TMOD1: variants seen among roughly 807,000 people sequenced by gnomAD.
The protein encoded by TMOD1 is tropomodulin 1.
TMOD1 carries 17 observed loss-of-function variants against 40.6 expected under a neutral mutation model. That is an observed-to-expected ratio of 0.42 (90% CI 0.29 to 0.63). The LOEUF is 0.63. Among genes scored for constraint, TMOD1 ranks in the 20% least tolerant of loss-of-function variants. The pLI, the probability that TMOD1 is intolerant of heterozygous loss-of-function variation, is 0.22. For missense variants in TMOD1, 391 were observed against 447.6 expected (o/e 0.87, Z 1.14); for synonymous variants, 181 against 175.0 (o/e 1.03, Z -0.27).
rs565704303 is a variant in TMOD1 at position 97,554,955 on chromosome 9, C to T, written c.397+1555C>T. On this transcript the variant is annotated intron_variant, in intron 4 of 9. Coordinates refer to ENST00000259365, the MANE Select transcript of TMOD1 (RefSeq NM_003275.4). The stretch of plus-strand genomic sequence containing the variant: ...GTCTGGGGGACCTGAGGAGTGAATG[C>T]GGAAAGCCAGTGTGTAGATCCCAAG... 1.3e-4 allele frequency among the ~76,000 whole-genome samples: 20 copies of T among 152,200 alleles called. No individual in the cohort carries two copies. In the East Asian group the frequency reaches 1.4e-3, roughly 10 times the overall value.
At position 97,539,971 on chromosome 9, in the gene TMOD1, CA is replaced by C. The variant is rs34844299; in HGVS notation, c.121-6195del. The stretch of plus-strand genomic sequence containing the variant: ...TGGGCAACAGAGTGAGACTCTGTCT[CA>C]AAAAAAAAAAAAAAAAAAGAAAAGA... On this transcript the variant is annotated intron_variant, in intron 2 of 9. Transcript: ENST00000259365. 1.6e-3 allele frequency among the ~76,000 whole-genome samples: 115 copies of C among 71,952 alleles called. 1 individual carries two copies. Among genetic ancestry groups the C allele is most frequent in the African/African-American group, 1.9e-3 (35 of 18,406 alleles). 47.2% of individuals were successfully genotyped at this position (71,952 alleles called of 152,430 possible). A position where few individuals can be genotyped will look rare whatever the true frequency, so the allele number is the denominator to read the frequency against.
At chr9:97,527,399 C>T (rs1830033672) in intron 2 of TMOD1, among the ~76,000 whole-genome samples, 1 of 152,244 alleles carries the variant, frequency 6.6e-6, no homozygotes, top group Non-Finnish European at 1.5e-5. Flanking sequence ...GCATAATACA[C>T]TGAGCTTGAC....
chr9:97,517,316 C>A (rs1829827141), intron 1 of TMOD1, among the ~76,000 whole-genome samples: 1 of 151,812 alleles, frequency 6.6e-6, no homozygotes, highest in Admixed American at 6.6e-5. Context: ...TATCACTACA[C>A]TCCAGCGTGG....
intron 8 of TMOD1, among the ~76,000 whole-genome samples, chr9:97,582,765 G>A (rs1199242805): frequency 8.0e-6 from 1 of 124,948 alleles, no homozygotes; most frequent in East Asian, 2.3e-4. Context: ...TGAAGCAATT[G>A]TGAATGGGAG....
intron 4 of TMOD1, among the ~76,000 whole-genome samples, chr9:97,554,047 A>C (rs967143999): frequency 6.6e-6 from 1 of 152,148 alleles, no homozygotes; most frequent in African/African-American, 2.4e-5. Context: ...CCATCCCCAC[A>C]GGAAGGTCAG....
intron 1 of TMOD1, among the ~76,000 whole-genome samples, chr9:97,510,845 G>T (rs138551148): frequency 1.5e-3 from 227 of 152,248 alleles, no homozygotes; most frequent in African/African-American, 5.2e-3. Flanking sequence ...AATGGAAGGG[G>T]CAGAGCGTGG....
chr9:97,522,687 G>C (rs1041928930), intron 1 of TMOD1, among the ~76,000 whole-genome samples: 2 of 151,958 alleles, frequency 1.3e-5, no homozygotes, highest in African/African-American at 4.8e-5. Context: ...TCAGCCTTCT[G>C]AGTAGCTGGG....
rs1587948824 is a variant in TMOD1 at position 97,568,881 on chromosome 9, C to T, written c.727-13C>T. The T allele has an allele frequency of 6.2e-7, 1 of 1,613,210 alleles. No individual in the cohort carries two copies. The highest frequency in any genetic ancestry group is 8.5e-7 in the Non-Finnish European group (1 of 1,179,268). On this transcript the variant is annotated splice_polypyrimidine_tract_variant and intron_variant, in intron 7 of 9. Transcript: ENST00000259365. The stretch of plus-strand genomic sequence containing the variant: ...TGACTCATGGGTATCCTTGCTTTCT[C>T]TTGTGCTTCAAGGCCCTTGCTGAGA...
chr9:97,527,159 GA>G (rs1282481219), intron 2 of TMOD1, among the ~76,000 whole-genome samples: 1 of 152,098 alleles, frequency 6.6e-6, no homozygotes, highest in South Asian at 2.1e-4. Flanking sequence ...ATGTAGGCAA[GA>G]AAAAAATCAA....
chr9:97,558,160 C>A (rs1033546406), intron 4 of TMOD1, among the ~76,000 whole-genome samples: 1 of 152,182 alleles, frequency 6.6e-6, no homozygotes, highest in African/African-American at 2.4e-5. Flanking sequence ...TTTTGTAATT[C>A]TAATTTCCTC....
At chr9:97,505,842 C>T (rs1387987310) in intron 1 of TMOD1, among the ~76,000 whole-genome samples, 2 of 152,176 alleles carry the variant, frequency 1.3e-5, no homozygotes, top group Non-Finnish European at 2.9e-5. Context: ...TTCCTCTCTC[C>T]CCTAAGCTGC....
intron 4 of TMOD1, among the ~76,000 whole-genome samples, chr9:97,556,095 T>G (rs1830532360): frequency 7.1e-6 from 1 of 141,404 alleles, no homozygotes; most frequent in African/African-American, 2.7e-5. Flanking sequence ...GGAGTTTGAG[T>G]GGAGAGGAGG....
chr9:97,515,344 A>G (rs1043408943), intron 1 of TMOD1, among the ~76,000 whole-genome samples: 7 of 152,146 alleles, frequency 4.6e-5, no homozygotes, highest in African/African-American at 1.7e-4. Context: ...CAATGGCATG[A>G]TCTTGGCTCA....
chr9:97,529,127 G>GA (rs997219119), intron 2 of TMOD1, among the ~76,000 whole-genome samples: 1 of 152,216 alleles, frequency 6.6e-6, no homozygotes, highest in Non-Finnish European at 1.5e-5. Flanking sequence ...AGTGTTCAGG[G>GA]AGAGAGTTTA....
chr9:97,580,342 C>G (rs1825719854), intron 8 of TMOD1, among the ~76,000 whole-genome samples: 1 of 152,160 alleles, frequency 6.6e-6, no homozygotes, highest in African/African-American at 2.4e-5. Context: ...TGCAGTGGCT[C>G]ACACCTGTAA....
chr9:97,568,763 G>A, intron 7 of TMOD1, 131 bp from the exon 8 acceptor site: 3 of 1,065,284 alleles, frequency 2.8e-6, no homozygotes, highest in Non-Finnish European at 4.1e-6. Context: ...CACAGTCAGA[G>A]TTGTGCTTGG....
At chr9:97,526,544 T>G (rs1375149658) in intron 2 of TMOD1, among the ~76,000 whole-genome samples, 3 of 152,192 alleles carry the variant, frequency 2.0e-5, no homozygotes, top group Non-Finnish European at 4.4e-5. Context: ...TGTTATATAT[T>G]TTTAATTAAA....
In TMOD1 at chr9:97,550,209, A is replaced by C. The variant is rs183723077; in HGVS notation, c.278-3072A>C. ...CCAGACTCATCCATGTTGTAGCACG[A>C]ATCAGTGCTTTATTCCTTTTTATAC... On this transcript the variant is annotated intron_variant, in intron 3 of 9. Coordinates refer to ENST00000259365, the MANE Select transcript of TMOD1 (RefSeq NM_003275.4). Among the ~76,000 whole-genome samples the C allele has an allele frequency of 3.7e-3, 565 of 152,352 alleles. 3 individuals carry two copies. Among genetic ancestry groups the C allele is most frequent in the Non-Finnish European group, 6.8e-3 (462 of 68,036 alleles).
At chr9:97,533,366 G>A (rs527665671) in intron 2 of TMOD1, among the ~76,000 whole-genome samples, 1 of 152,230 alleles carries the variant, frequency 6.6e-6, no homozygotes, top group African/African-American at 2.4e-5. Context: ...TATATGATTT[G>A]TCCACTAGAA....
Sources: gnomAD v4.1 joint callset for allele counts (sites outside exome capture counted in the v4.1 genomes callset) on GRCh38, gnomAD v4.1.1 for gene constraint, MANE v1.5 for transcripts, NCBI Gene and HGNC (gene_info 2026-07-23, HGNC 2026-07-21) for gene names.